DIAPH3: variants seen among roughly 807,000 people sequenced by gnomAD.
DIAPH3 encodes diaphanous related formin 3.
DIAPH3 carries 117 observed loss-of-function variants against 144.3 expected under a neutral mutation model. The observed-to-expected ratio is 0.81, with a 90% CI of 0.70 to 0.95. DIAPH3 has a LOEUF of 0.95. Ranked by LOEUF, DIAPH3 falls within the 40% of genes least tolerant of loss-of-function variation. The pLI is 0.00. For missense variants in DIAPH3, 1,421 were observed against 1,412.7 expected, an observed-to-expected ratio of 1.01 and a Z score of -0.09; for synonymous variants, 519 against 488.9, an observed-to-expected ratio of 1.06 and a Z score of -0.81.
At chr13:60,102,984 AC>A (rs1243950233) in intron 3 of DIAPH3, among the ~76,000 whole-genome samples, 1 of 152,072 alleles carries the variant, frequency 6.6e-6, no homozygotes, top group Non-Finnish European at 1.5e-5. Context: ...CAATCAAGCA[AC>A]TTTTAAGATA....
chr13:59,983,983 A>G (rs2051206422), intron 12 of DIAPH3, 96 bp from the exon 13 acceptor site: 1 of 772,982 alleles, frequency 1.3e-6, no homozygotes, highest in Non-Finnish European at 2.3e-6. Flanking sequence ...CAAGTTCAAC[A>G]ATTTATTAGT....
At chr13:59,927,043 A>G (rs1322656497) in intron 17 of DIAPH3, among the ~76,000 whole-genome samples, 1 of 152,162 alleles carries the variant, frequency 6.6e-6, no homozygotes, top group Non-Finnish European at 1.5e-5. Flanking sequence ...TTATATTCTC[A>G]TGCTGAATTG....
chr13:60,137,511 G>A (rs2059314911), intron 1 of DIAPH3, among the ~76,000 whole-genome samples: 1 of 152,150 alleles, frequency 6.6e-6, no homozygotes, highest in Non-Finnish European at 1.5e-5. Context: ...AAGATGCCAA[G>A]CTGTAGCCCA....
At chr13:59,992,307 G>C in intron 10 of DIAPH3, 121 bp from the exon 11 acceptor site, 1 of 1,036,778 alleles carries the variant, frequency 9.6e-7, no homozygotes, top group Non-Finnish European at 1.4e-6. Context: ...AACATTTAAA[G>C]TGTTAAATAA....
intron 4 of DIAPH3, among the ~76,000 whole-genome samples, chr13:60,074,758 A>G (rs563032845): frequency 8.5e-5 from 13 of 152,250 alleles, no homozygotes; most frequent in Non-Finnish European, 1.5e-4. Context: ...ATTGGTTCAT[A>G]CTATACATAT....
In DIAPH3 at chr13:59,811,007, A is replaced by T; in HGVS notation, c.3028-84T>A. 3.2e-6 allele frequency: 4 copies of T among 1,251,730 alleles called. No individual in the cohort carries two copies. The South Asian group carries it at 5.3e-5, about 17-fold the overall frequency. The allele number at this position is 1,251,730 out of a possible 1,614,324, so 77.5% of individuals were successfully genotyped here. On this transcript the variant is annotated intron_variant, in intron 24 of 27. Transcript: ENST00000400324. ...AGTTATCTATTTGAAAATATGCTTA[A>T]GGTAGAAACATGATTATCTTTTAGA...
At chr13:60,059,525 A>G (rs1470071874) in intron 4 of DIAPH3, among the ~76,000 whole-genome samples, 2 of 152,044 alleles carry the variant, frequency 1.3e-5, no homozygotes, top group African/African-American at 4.8e-5. Flanking sequence ...GATTATCATT[A>G]TATGCTTCCT....
intron 1 of DIAPH3, among the ~76,000 whole-genome samples, chr13:60,157,134 G>A (rs1190530324): frequency 3.3e-5 from 5 of 151,344 alleles, no homozygotes; most frequent in Admixed American, 6.6e-5. Context: ...TAGTAGAGAC[G>A]GGGTTTCACC....
At chr13:59,680,508 CA>C (rs1239958554) in intron 27 of DIAPH3, among the ~76,000 whole-genome samples, 1 of 151,752 alleles carries the variant, frequency 6.6e-6, no homozygotes, top group Non-Finnish European at 1.5e-5. Flanking sequence ...GGATGCTAAT[CA>C]TACACTTACT....
chr13:59,940,578 T>C (rs1032900780), intron 17 of DIAPH3, among the ~76,000 whole-genome samples: 1 of 152,202 alleles, frequency 6.6e-6, no homozygotes, highest in Non-Finnish European at 1.5e-5. Context: ...TTACTTCATG[T>C]TGGAAACATC....
At chr13:59,703,795 G>A (rs1482684480) in intron 27 of DIAPH3, among the ~76,000 whole-genome samples, 3 of 151,910 alleles carry the variant, frequency 2.0e-5, no homozygotes, top group Non-Finnish European at 2.9e-5. Context: ...GCCTAGCAGT[G>A]TTTTATTGAA....
intron 25 of DIAPH3, among the ~76,000 whole-genome samples, chr13:59,783,976 A>C (rs1341328052): frequency 2.0e-5 from 3 of 152,136 alleles, no homozygotes; most frequent in Non-Finnish European, 4.4e-5. Context: ...TCAACCTGTG[A>C]CCATTTTCCA....
At chr13:59,725,816 AC>A (rs1474237693) in intron 27 of DIAPH3, among the ~76,000 whole-genome samples, 2 of 152,166 alleles carry the variant, frequency 1.3e-5, no homozygotes, top group Non-Finnish European at 2.9e-5. Context: ...GTTTATAATA[AC>A]CCAAACCTCT....
At chr13:60,061,665 A>G (rs1210352875) in intron 4 of DIAPH3, among the ~76,000 whole-genome samples, 1 of 151,448 alleles carries the variant, frequency 6.6e-6, no homozygotes, top group Non-Finnish European at 1.5e-5. Flanking sequence ...ATCTGACTTC[A>G]AGGAACTTAA....
rs564962097 is a variant in DIAPH3 at position 59,968,984 on chromosome 13, T to C, written c.2074+960A>G. ...CCTTTGTTCTATGAGCCCAGGGATA[T>C]AGGTGGCATAAGTCTATAGTGAAAA... On this transcript the variant is annotated intron_variant, in intron 17 of 27. Coordinates refer to ENST00000400324, the MANE Select transcript of DIAPH3 (RefSeq NM_001042517.2). Among the ~76,000 whole-genome samples, 26 of 152,264 alleles carry C rather than the reference T, an allele frequency of 1.7e-4. No homozygotes were observed. The South Asian group carries it at 2.9e-3, about 17-fold the overall frequency.
At chr13:59,697,097 A>G (rs2033840575) in intron 27 of DIAPH3, among the ~76,000 whole-genome samples, 1 of 152,002 alleles carries the variant, frequency 6.6e-6, no homozygotes, top group Non-Finnish European at 1.5e-5. Context: ...AATATTAGGA[A>G]TAATACCTCC....
intron 27 of DIAPH3, among the ~76,000 whole-genome samples, chr13:59,757,838 T>C (rs186614814): frequency 7.2e-5 from 11 of 152,342 alleles, no homozygotes; most frequent in African/African-American, 1.7e-4. Flanking sequence ...TCAAAATCTA[T>C]TCATTCTCAA....
intron 14 of DIAPH3, among the ~76,000 whole-genome samples, chr13:59,974,706 C>A (rs1240311422): frequency 6.6e-6 from 1 of 151,978 alleles, no homozygotes; most frequent in Non-Finnish European, 1.5e-5. Context: ...CTTCTCTCTG[C>A]AGAGCAAACT....
intron 5 of DIAPH3, among the ~76,000 whole-genome samples, chr13:60,024,005 G>A (rs1365461017): frequency 6.6e-6 from 1 of 151,616 alleles, no homozygotes; most frequent in East Asian, 2.0e-4. Flanking sequence ...ACAGGCACGT[G>A]CCACCACGCC....
Sources: allele counts gnomAD v4.1 joint callset (sites outside exome capture counted in the v4.1 genomes callset), GRCh38; gene constraint gnomAD v4.1.1; transcripts MANE v1.5; gene names NCBI Gene and HGNC (gene_info 2026-07-23, HGNC 2026-07-21).